The following CALN1 variants were observed in gnomAD, a reference collection of about 807,000 sequenced individuals.
CALN1 encodes calcium-binding protein 8.
A neutral mutation model predicts 30.6 loss-of-function variants in CALN1; 17 were observed. The observed-to-expected ratio is 0.56, with a 90% CI of 0.38 to 0.83. The LOEUF (loss-of-function observed/expected upper bound fraction) is 0.83. Among genes scored for constraint, CALN1 ranks in the 40% least tolerant of loss-of-function variants. The pLI, the probability that CALN1 is intolerant of heterozygous loss-of-function variation, is 0.00. For synonymous variants in CALN1, 156 were observed against 131.4 expected, an observed-to-expected ratio of 1.19 and a Z score of -1.28; for missense variants, 291 against 354.9, an observed-to-expected ratio of 0.82 and a Z score of 1.45.
intron 2 of CALN1, among the ~76,000 whole-genome samples, chr7:72,384,662 A>T (rs1805101194): frequency 6.6e-6 from 1 of 152,082 alleles, no homozygotes; most frequent in African/African-American, 2.4e-5. Context: ...AAAAAGTAAA[A>T]GCAAAATGGA....
chr7:72,023,995 A>G (rs1800885720), intron 4 of CALN1, among the ~76,000 whole-genome samples: 1 of 152,220 alleles, frequency 6.6e-6, no homozygotes, highest in Non-Finnish European at 1.5e-5. Context: ...AACATTTGAC[A>G]GTATTTCTAG....
rs535724043 is a variant in CALN1 at position 72,134,415 on chromosome 7, AT to A, written c.245-28122del. ...AAAACAGAAGAGACATCACAGATGG[AT>A]GCTAAATTCAGACACACCTCAAAGA... On this transcript the variant is annotated intron_variant, in intron 3 of 6. Transcript: ENST00000395275. 3.3e-5 allele frequency among the ~76,000 whole-genome samples: 5 copies of A among 152,350 alleles called. No homozygotes were observed. The South Asian group carries it at 8.3e-4, about 25-fold the overall frequency.
intron 4 of CALN1, among the ~76,000 whole-genome samples, chr7:72,104,425 C>CATGTGCAGG (rs772346258): frequency 6.6e-6 from 1 of 152,030 alleles, no homozygotes; most frequent in Admixed American, 6.6e-5. Flanking sequence ...TTCTGGGGTC[C>CATGTGCAGG]ATGTGCAGGA....
At chr7:72,313,188 G>T (rs1221794408) in intron 2 of CALN1, among the ~76,000 whole-genome samples, 1 of 152,038 alleles carries the variant, frequency 6.6e-6, no homozygotes, top group Admixed American at 6.6e-5. Context: ...AGAATGGATG[G>T]GAGAATGGAG....
At chr7:71,825,632 A>T (rs1788862889) in intron 5 of CALN1, among the ~76,000 whole-genome samples, 1 of 152,174 alleles carries the variant, frequency 6.6e-6, no homozygotes, top group Admixed American at 6.6e-5. Flanking sequence ...CCTCCCTGCC[A>T]AGAACAGAGA....
chr7:72,499,196 A>T, the CALN1 span, among the ~76,000 whole-genome samples: 9 of 152,082 alleles, frequency 5.9e-5, no homozygotes, highest in South Asian at 1.9e-3. Context: ...ACACCTAGCT[A>T]ATTTTTGTAT....
chr7:72,221,963 C>T (rs1036035616), intron 3 of CALN1, among the ~76,000 whole-genome samples: 22 of 151,504 alleles, frequency 1.5e-4, no homozygotes, highest in Admixed American at 7.2e-4. Flanking sequence ...CAGTGGCTCA[C>T]GCCTGTAATC....
Position 72,120,187 on chromosome 7 carries a change from G to GA in CALN1, c.245-13894dup, listed in dbSNP as rs202143978. 8.6e-5 allele frequency among the ~76,000 whole-genome samples: 13 copies of GA among 150,584 alleles called. No homozygotes were observed. The East Asian group carries it at 1.6e-3, about 18-fold the overall frequency. On this transcript the variant is annotated intron_variant, in intron 3 of 6. Coordinates refer to ENST00000395275, the MANE Select transcript of CALN1 (RefSeq NM_031468.4). ...GAAAAATGTCCCCAAAATGTATATA[G>GA]AAAAAAAAATTATCTATATTTCACT...
Position 72,064,240 on chromosome 7 carries a change from C to A in CALN1, c.389-40471G>T, listed in dbSNP as rs939601216. On this transcript the variant is annotated intron_variant, in intron 4 of 6. Transcript: ENST00000395275. Reference sequence around the variant, plus strand: ...GAGGTTGCAGTGAGCTGAGATCGTGCCACTGCACTCCAGCCTGGGTGACAG... The same window carrying A: ...GAGGTTGCAGTGAGCTGAGATCGTGACACTGCACTCCAGCCTGGGTGACAG... Among the ~76,000 whole-genome samples the A allele has an allele frequency of 3.3e-5, 5 of 151,276 alleles. No individual in the cohort carries two copies. In the South Asian group the frequency reaches 8.3e-4, roughly 25 times the overall value.
chr7:72,448,667 G>A (rs4526252), upstream of CALN1, among the ~76,000 whole-genome samples: 1,659 of 151,544 alleles, frequency 0.011, 38 homozygotes, highest in African/African-American at 0.038. Context: ...GTGCTGTGGC[G>A]TGGTCTCGGC....
intron 5 of CALN1, among the ~76,000 whole-genome samples, chr7:72,013,085 A>G (rs1201693312): frequency 1.3e-5 from 2 of 152,020 alleles, no homozygotes; most frequent in African/African-American, 4.8e-5. Flanking sequence ...GGCATGAGCC[A>G]CTGTACCCGG....
At chr7:72,196,784 T>C (rs994329500) in intron 3 of CALN1, among the ~76,000 whole-genome samples, 11 of 152,152 alleles carry the variant, frequency 7.2e-5, no homozygotes, top group Non-Finnish European at 1.5e-4. Context: ...AATTATTTCA[T>C]CCTCATGAGT....
the CALN1 span, among the ~76,000 whole-genome samples, chr7:72,452,867 C>T: frequency 6.6e-6 from 1 of 152,096 alleles, no homozygotes; most frequent in Non-Finnish European, 1.5e-5. Flanking sequence ...TCCAGGATAC[C>T]CACAGAGACT....
chr7:71,920,493 G>A (rs998491754), intron 5 of CALN1, among the ~76,000 whole-genome samples: 1 of 151,686 alleles, frequency 6.6e-6, no homozygotes, highest in African/African-American at 2.4e-5. Flanking sequence ...CCTCCACCAC[G>A]CCCAGCTGAT....
chr7:72,020,786 A>G (rs1307609519), intron 5 of CALN1, among the ~76,000 whole-genome samples: 1 of 152,236 alleles, frequency 6.6e-6, no homozygotes, highest in Non-Finnish European at 1.5e-5. Flanking sequence ...CATATATTGT[A>G]AGAGATATAT....
At chr7:72,388,071 G>C (rs549933472) in intron 2 of CALN1, among the ~76,000 whole-genome samples, 1 of 151,994 alleles carries the variant, frequency 6.6e-6, no homozygotes. Flanking sequence ...ATGGTGAAAC[G>C]CAAAATTGCT....
At chr7:72,435,879 A>G (rs1353624020) in intron 1 of CALN1, among the ~76,000 whole-genome samples, 1 of 152,210 alleles carries the variant, frequency 6.6e-6, no homozygotes, top group African/African-American at 2.4e-5. Flanking sequence ...CACTTGACAT[A>G]TGCTCTGAGT....
At chr7:71,792,110 G>A (rs186608605) in intron 6 of CALN1, among the ~76,000 whole-genome samples, 3 of 152,274 alleles carry the variant, frequency 2.0e-5, no homozygotes, top group Non-Finnish European at 4.4e-5. Context: ...ACAGAGCTGC[G>A]ACCTGGCACT....
At chr7:72,054,418 C>CACGTATATATATGTACATATATATAT (rs1563015234) in intron 4 of CALN1, among the ~76,000 whole-genome samples, 1 of 36,828 alleles carries the variant, frequency 2.7e-5, no homozygotes, top group South Asian at 2.6e-3. Context: ...TATATATATA[C>CACGTATATATATGTACATATATATAT]GTGTATATAT....
Sources: gnomAD v4.1 joint callset for allele counts (sites outside exome capture counted in the v4.1 genomes callset) on GRCh38, gnomAD v4.1.1 for gene constraint, MANE v1.5 for transcripts, NCBI Gene and HGNC (gene_info 2026-07-23, HGNC 2026-07-21) for gene names.